MARK3: variants seen among roughly 807,000 people sequenced by gnomAD.
MARK3 encodes microtubule affinity regulating kinase 3.
A neutral mutation model predicts 90.1 loss-of-function variants in MARK3; 46 were observed. That is an observed-to-expected ratio of 0.51 (90% CI 0.40 to 0.65). The LOEUF is 0.65. MARK3 is among the 30% of genes least tolerant of loss of function. The pLI is 0.00. For synonymous variants in MARK3, 321 were observed against 332.6 expected (o/e 0.97, Z 0.38); for missense variants, 818 against 947.2 (o/e 0.86, Z 1.79).
intron 6 of MARK3, among the ~76,000 whole-genome samples, chr14:103,461,124 T>G (rs2093393038): frequency 6.6e-6 from 1 of 152,224 alleles, no homozygotes; most frequent in Non-Finnish European, 1.5e-5. Flanking sequence ...GGCTTAGAGC[T>G]AAGAGTTGAT....
chr14:103,404,843 A>G (rs963765818), intron 1 of MARK3, among the ~76,000 whole-genome samples: 8 of 152,202 alleles, frequency 5.3e-5, no homozygotes, highest in South Asian at 4.1e-4. Context: ...CACGTATGCA[A>G]AATATCTAAT....
chr14:103,443,656 A>G (rs1285486352), intron 3 of MARK3, among the ~76,000 whole-genome samples: 1 of 152,208 alleles, frequency 6.6e-6, no homozygotes, highest in Non-Finnish European at 1.5e-5. Context: ...GGTCGTCTTT[A>G]AAATAGGTTA....
Position 103,491,926 on chromosome 14 carries a change from G to A in MARK3, c.1736G>A (p.Gly579Asp), listed in dbSNP as rs751035614. 1 of 1,613,818 alleles carries A rather than the reference G, an allele frequency of 6.2e-7. No homozygotes were observed. Among genetic ancestry groups the A allele is most frequent in the Non-Finnish European group, 8.5e-7 (1 of 1,180,016 alleles). ...PRERRTATYN[G>D]PPASPSLSHE... is the part of the protein sequence containing the mutation. ...GAACGGCGAACCGCAACATATAATGGCCCTCCTGCCTCTCCCAGCCTGTCC... is the reference window on the plus strand; with the variant it reads ...GAACGGCGAACCGCAACATATAATGACCCTCCTGCCTCTCCCAGCCTGTCC... Residue 579 changes from glycine to aspartate, a missense_variant, in exon 15 of 18, where the codon GGC (glycine) becomes GAC (aspartate). Physicochemically the swap from Gly to Asp is moderately conservative, Grantham distance 94. Around this residue, in one of 3 missense-constraint regions of MARK3, gnomAD observed 560 missense variants for 613.5 expected, o/e 0.91. Transcript: ENST00000429436.
intron 15 of MARK3, among the ~76,000 whole-genome samples, chr14:103,497,570 C>T (rs2756134): frequency 0.99 from 150,418 of 152,332 alleles, 74,305 homozygotes; most frequent in East Asian, 1. Flanking sequence ...TTCGTGTTTA[C>T]TACATAAAAG....
intron 15 of MARK3, among the ~76,000 whole-genome samples, chr14:103,492,858 C>A (rs1351971381): frequency 6.6e-6 from 1 of 152,206 alleles, no homozygotes; most frequent in Admixed American, 6.5e-5. Flanking sequence ...TAGTGAAAGG[C>A]ACCTTTCCGA....
At chr14:103,456,126 A>G (rs1054260127) in intron 5 of MARK3, among the ~76,000 whole-genome samples, 1 of 152,176 alleles carries the variant, frequency 6.6e-6, no homozygotes, top group Non-Finnish European at 1.5e-5. Flanking sequence ...GGCGTGCATC[A>G]GCTGGTTCTG....
intron 12 of MARK3, among the ~76,000 whole-genome samples, chr14:103,469,472 G>A (rs185456890): frequency 4.0e-5 from 6 of 151,118 alleles, no homozygotes; most frequent in Admixed American, 2.0e-4. Context: ...GTGAGCCACC[G>A]CGCCTGGCCT....
intron 12 of MARK3, among the ~76,000 whole-genome samples, chr14:103,470,718 A>G (rs1377833313): frequency 6.6e-6 from 1 of 151,776 alleles, no homozygotes; most frequent in Non-Finnish European, 1.5e-5. Context: ...CAGCCTCCCA[A>G]AGTGCTCGGA....
chr14:103,412,424 A>G, intron 2 of MARK3: 1 of 581,234 alleles, frequency 1.7e-6, no homozygotes, highest in Non-Finnish European at 3.1e-6. Context: ...TTGCTTTATC[A>G]GAGACTCTGA....
At chr14:103,451,866 G>A (rs2093154353) in intron 4 of MARK3, 52 bp from the exon 5 acceptor site, 1 of 1,277,498 alleles carries the variant, frequency 7.8e-7, no homozygotes, top group South Asian at 1.3e-5. Context: ...TGCATGGTTT[G>A]TGCATACAGA....
chr14:103,468,120 T>C lies in MARK3; in HGVS notation c.1198T>C (p.Ser400Pro). Reference protein sequence around the residue: ...SSDLNNSTGQSPHHKVQRSVS... With the variant: ...SSDLNNSTGQPPHHKVQRSVS... ...TGATCTCAACAACAGTACTGGCCAG[T>C]CTCCTCACCACAAAGTGCAGAGAAG... Residue 400 changes from serine to proline, a missense_variant, in exon 12 of 18, where the codon TCT (serine) becomes CCT (proline). Transcript: ENST00000429436. 1 of 1,613,652 alleles carries C rather than the reference T, an allele frequency of 6.2e-7. No individual in the cohort carries two copies. Among genetic ancestry groups the C allele is most frequent in the Non-Finnish European group, 8.5e-7 (1 of 1,179,824 alleles).
chr14:103,477,513 A>G (rs1299438798), intron 13 of MARK3, among the ~76,000 whole-genome samples: 1 of 152,030 alleles, frequency 6.6e-6, no homozygotes, highest in Non-Finnish European at 1.5e-5. Context: ...AAAAAAGTCC[A>G]TAGCTGTGAC....
At chr14:103,476,306 TCACA>T (rs2093714145) in intron 13 of MARK3, among the ~76,000 whole-genome samples, 1 of 152,190 alleles carries the variant, frequency 6.6e-6, no homozygotes, top group Non-Finnish European at 1.5e-5. Context: ...GATGTGGTGT[TCACA>T]CTGAGTCTTC....
At chr14:103,457,740 C>T (rs1004730586) in intron 6 of MARK3, among the ~76,000 whole-genome samples, 1 of 152,160 alleles carries the variant, frequency 6.6e-6, no homozygotes, top group Non-Finnish European at 1.5e-5. Context: ...TTACTGTTAT[C>T]TATTGACCAT....
intron 1 of MARK3, 144 bp downstream of exon 1, chr14:103,386,224 C>G (rs984857545): frequency 3.7e-6 from 3 of 800,826 alleles, no homozygotes; most frequent in Admixed American, 1.9e-5. Context: ...GCAGCCAGGT[C>G]GGACCGTTTC....
At chr14:103,494,921 T>C (rs1395588987) in intron 15 of MARK3, among the ~76,000 whole-genome samples, 2 of 152,220 alleles carry the variant, frequency 1.3e-5, no homozygotes, top group Non-Finnish European at 2.9e-5. Flanking sequence ...ATGCTTATTA[T>C]GTGCTAAGGT....
chr14:103,473,497 C>T (rs560172510), intron 12 of MARK3, among the ~76,000 whole-genome samples: 3 of 152,230 alleles, frequency 2.0e-5, no homozygotes, highest in South Asian at 2.1e-4. Flanking sequence ...TGTCAGTAGA[C>T]GTCTCATGGT....
intron 1 of MARK3, among the ~76,000 whole-genome samples, chr14:103,396,584 A>G (rs2090594732): frequency 6.6e-6 from 1 of 152,216 alleles, no homozygotes; most frequent in South Asian, 2.1e-4. Context: ...ATTATAAATA[A>G]CAAACTAAGA....
intron 2 of MARK3, among the ~76,000 whole-genome samples, chr14:103,408,440 C>G (rs1411964187): frequency 6.6e-6 from 1 of 152,224 alleles, no homozygotes; most frequent in Non-Finnish European, 1.5e-5. Context: ...CCACCCACCT[C>G]AGCCTCCCAG....
Sources: gnomAD v4.1 joint callset for allele counts (sites outside exome capture counted in the v4.1 genomes callset) on GRCh38, gnomAD v4.1.1 for gene constraint, gnomAD v4.1.1 regional missense constraint, MANE v1.5 for transcripts, NCBI Gene and HGNC (gene_info 2026-07-23, HGNC 2026-07-21) for gene names.